RBPJ: variants seen among roughly 807,000 people sequenced by gnomAD.
RBPJ encodes the protein recombining binding protein suppressor of hairless.
In RBPJ, 9 loss-of-function variants were observed where a neutral mutation model predicts 67.8. The ratio of observed to expected loss-of-function variants is 0.13; its 90% CI spans 0.08 to 0.23. The LOEUF is 0.23. RBPJ is among the 10% of genes least tolerant of loss of function. The probability of loss-of-function intolerance (pLI) is 1.00; values close to 1 mark genes in which losing one functional copy is unlikely to be tolerated. For missense variants in RBPJ, 305 were observed against 595.6 expected, an observed-to-expected ratio of 0.51 and a Z score of 5.08; for synonymous variants, 198 against 203.3, an observed-to-expected ratio of 0.97 and a Z score of 0.22.
rs140107249 is a variant in RBPJ, at chr4:26,233,222, G to A, written c.-167+69608G>A. On this transcript the variant is annotated intron_variant, in intron 1 of 4. Transcript: ENST00000512351. ...AATACATTTGATAAGAGAATGTATG[G>A]AGCTATAAATTAAAATACTGGGGGG... is the stretch of plus-strand genomic sequence containing the variant. Among the ~76,000 whole-genome samples the A allele has an allele frequency of 6.1e-3, 935 of 152,236 alleles. 11 individuals carry two copies. The highest frequency in any genetic ancestry group is 0.022 in the African/African-American group (907 of 41,536).
chr4:26,135,913 T>C, the RBPJ span, among the ~76,000 whole-genome samples: 3 of 152,092 alleles, frequency 2.0e-5, no homozygotes, highest in South Asian at 6.2e-4. Context: ...ACGCTACCAA[T>C]AAAGACATAC....
At chr4:26,129,956 G>C in the RBPJ span, among the ~76,000 whole-genome samples, 2 of 152,106 alleles carry the variant, frequency 1.3e-5, no homozygotes, top group Non-Finnish European at 2.9e-5. Context: ...CTGCCTCCCA[G>C]GTCCAAGCGA....
At chr4:26,301,127 T>G (rs1722060897) in intron 1 of RBPJ, among the ~76,000 whole-genome samples, 1 of 152,218 alleles carries the variant, frequency 6.6e-6, no homozygotes, top group Non-Finnish European at 1.5e-5. Context: ...TTACTTATTA[T>G]TAACTACAAA....
intron 1 of RBPJ, among the ~76,000 whole-genome samples, chr4:26,307,074 G>C (rs769654474): frequency 2.6e-5 from 4 of 151,944 alleles, no homozygotes; most frequent in Non-Finnish European, 5.9e-5. Context: ...AAAAAATAAA[G>C]AACTCACTAA....
chr4:26,199,517 C>T (rs1253037197), intron 1 of RBPJ, among the ~76,000 whole-genome samples: 1 of 152,294 alleles, frequency 6.6e-6, no homozygotes, highest in Middle Eastern at 3.4e-3. Flanking sequence ...AGGACAACGC[C>T]TCTGTGGGGC....
intron 1 of RBPJ, among the ~76,000 whole-genome samples, chr4:26,270,434 AAAGAAG>A (rs750311444): frequency 1.9e-4 from 12 of 62,228 alleles, no homozygotes; most frequent in African/African-American, 4.4e-4. Flanking sequence ...AGAAAGAAAG[AAAGAAG>A]AAAGAAAGAA....
rs911893370 is a variant in RBPJ, at chr4:26,424,061, G to A, written c.497-281G>A. Reference sequence around the variant, plus strand: ...TCTACTGTCTAACATTATTTTAAAAGTAAGTTTTTCTCTAATAATCAGCAC... The same window carrying A: ...TCTACTGTCTAACATTATTTTAAAAATAAGTTTTTCTCTAATAATCAGCAC... On this transcript the variant is annotated intron_variant, in intron 5 of 10. Transcript: ENST00000355476. This position sits in a 1 kb window ranked among gnomAD's most constrained non-coding sequence, Gnocchi z 5.3. Among the ~76,000 whole-genome samples, 1 of 152,132 alleles carries A rather than the reference G, an allele frequency of 6.6e-6. No individual in the cohort carries two copies. The highest frequency in any genetic ancestry group is 2.4e-5 in the African/African-American group (1 of 41,422).
intron 1 of RBPJ, among the ~76,000 whole-genome samples, chr4:26,384,225 C>A (rs13108863): frequency 0.5 from 75,580 of 152,020 alleles, 20,017 homozygotes; most frequent in Admixed American, 0.62. Context: ...CTTTCAAAAA[C>A]TTGGGTTATT....
intron 1 of RBPJ, among the ~76,000 whole-genome samples, chr4:26,307,440 A>T (rs145026150): frequency 1.3e-5 from 2 of 152,090 alleles, no homozygotes; most frequent in African/African-American, 4.8e-5. Context: ...TCTGTGTTTC[A>T]TTGCTTATTT....
chr4:26,121,858 G>A, the RBPJ span, among the ~76,000 whole-genome samples: 1 of 145,520 alleles, frequency 6.9e-6, no homozygotes, highest in African/African-American at 2.5e-5. Flanking sequence ...CAAGTTGCTT[G>A]GAGTGAGTAT....
intron 1 of RBPJ, among the ~76,000 whole-genome samples, chr4:26,220,637 T>C (rs1718872525): frequency 1.3e-5 from 2 of 152,212 alleles, no homozygotes; most frequent in South Asian, 4.1e-4. Context: ...ACTGAAGGAT[T>C]CAGACTGAAC....
rs760645102 is a variant in RBPJ at position 26,214,513 on chromosome 4, AAGGGAGGGAGGGAAGGAGGAAGGGAGGG to A, written c.-167+50914_-167+50941del. ...GGAAGGAGGGAGGGAGGGAAGGAGG[AAGGGAGGGAGGGAAGGAGGAAGGGAGGG>A]AGGGAGGGAGGGAAAAGAGAGAGAA... On this transcript the variant is annotated intron_variant, in intron 1 of 4. Coordinates refer to the RBPJ transcript ENST00000512351. Among the ~76,000 whole-genome samples the A allele has an allele frequency of 3.1e-3, 183 of 58,558 alleles. 9 individuals carry two copies. The South Asian group carries it at 0.081, about 26-fold the overall frequency. The allele number at this position is 58,558 out of a possible 152,430, so 38.4% of individuals were successfully genotyped here.
At chr4:26,267,587 C>T (rs1720743370) in intron 1 of RBPJ, among the ~76,000 whole-genome samples, 1 of 151,654 alleles carries the variant, frequency 6.6e-6, no homozygotes, top group African/African-American at 2.4e-5. Flanking sequence ...CACATATATA[C>T]ATATATATGT....
chr4:26,235,413 C>G (rs573171311), intron 1 of RBPJ, among the ~76,000 whole-genome samples: 9 of 152,072 alleles, frequency 5.9e-5, no homozygotes, highest in Non-Finnish European at 1.0e-4. Context: ...ATACCTGGGC[C>G]AAGAACTTAT....
At chr4:26,229,989 G>A (rs2109203136) in intron 1 of RBPJ, among the ~76,000 whole-genome samples, 1 of 152,210 alleles carries the variant, frequency 6.6e-6, no homozygotes, top group Non-Finnish European at 1.5e-5. Context: ...AGGGGTTGGA[G>A]ACCAGCCTGG....
rs5856937 is a variant in RBPJ at position 26,322,674 on chromosome 4, TACAC to T, written c.20+1635_20+1638del. Among the ~76,000 whole-genome samples the T allele has an allele frequency of 9.3e-4, 140 of 150,514 alleles. 1 individual carries two copies. Among genetic ancestry groups the T allele is most frequent in the African/African-American group, 3.4e-3 (138 of 41,042 alleles). On this transcript the variant is annotated intron_variant, in intron 1 of 10. Transcript: ENST00000355476. ...ATAATATGTATATTATATATATATA[TACAC>T]ACACACACGTAATAGCCTGTAGTGA...
At chr4:26,186,192 TAAAAA>T (rs528707678) in intron 1 of RBPJ, among the ~76,000 whole-genome samples, 32 of 117,054 alleles carry the variant, frequency 2.7e-4, no homozygotes, top group African/African-American at 7.4e-4. Flanking sequence ...CCCTTTTTTT[TAAAAA>T]AAAAAAAAAA....
intron 1 of RBPJ, among the ~76,000 whole-genome samples, chr4:26,307,698 T>C (rs903613751): frequency 1.3e-5 from 2 of 152,338 alleles, no homozygotes; most frequent in Middle Eastern, 6.8e-3. Flanking sequence ...GGGTAAAATT[T>C]AGGCCACATG....
chr4:26,168,553 G>A (rs1716414546), intron 1 of RBPJ, among the ~76,000 whole-genome samples: 1 of 152,038 alleles, frequency 6.6e-6, no homozygotes, highest in South Asian at 2.1e-4. Context: ...TATGTGTCTT[G>A]GAGTTGCTCT....
Sources: allele counts gnomAD v4.1 joint callset (sites outside exome capture counted in the v4.1 genomes callset), GRCh38; gene constraint gnomAD v4.1.1; non-coding constraint Gnocchi (gnomAD v3.1); transcripts MANE v1.5; gene names NCBI Gene and HGNC (gene_info 2026-07-23, HGNC 2026-07-21).